Variants in NXPE4 observed in about 807,000 individuals in gnomAD.
NXPE4 encodes the protein NXPE family member 4.
In NXPE4, 42 loss-of-function variants were observed where a neutral mutation model predicts 33.3. The observed-to-expected ratio is 1.26, with a 90% CI of 0.98 to 1.63. The LOEUF (loss-of-function observed/expected upper bound fraction) is 1.63, where lower values mean the gene tolerates loss of function less well. Ranked by LOEUF, NXPE4 falls within the 40% of genes most tolerant of loss-of-function variation. The pLI is 0.00. For missense variants in NXPE4, 709 were observed against 647.6 expected, an observed-to-expected ratio of 1.09 and a Z score of -1.03; for synonymous variants, 253 against 234.9, an observed-to-expected ratio of 1.08 and a Z score of -0.71.
chr11:114,621,075 C>T, the NXPE4 span, among the ~76,000 whole-genome samples: 12 of 151,610 alleles, frequency 7.9e-5, no homozygotes, highest in Admixed American at 2.0e-4. Context: ...ACTATTACCC[C>T]GTGGATAATA....
At chr11:114,601,945 A>ATTATATATAATATTATATATTGTATAT in the NXPE4 span, among the ~76,000 whole-genome samples, 1 of 71,200 alleles carries the variant, frequency 1.4e-5, no homozygotes, top group African/African-American at 5.3e-5. Flanking sequence ...ATATTATATA[A>ATTATATATAATATTATATATTGTATAT]TTATATATAA....
chr11:114,641,114 C>G, the NXPE4 span, among the ~76,000 whole-genome samples: 1 of 151,924 alleles, frequency 6.6e-6, no homozygotes, highest in Non-Finnish European at 1.5e-5. Context: ...AAATAGTAGT[C>G]TGGTGCACGA....
In NXPE4 at chr11:114,582,829, C is replaced by T. The variant is rs972637851; in HGVS notation, c.289G>A (p.Ala97Thr). 1.1e-5 allele frequency: 17 copies of T among 1,614,042 alleles called. No homozygotes were observed. The Middle Eastern group carries it at 6.6e-4, about 63-fold the overall frequency. ...AGGATGGTGGCTGTGCTATGTGTGGCGCTGGTGGTGGTGTTCACGTGGGTG... is the reference window on the plus strand; with the variant it reads ...AGGATGGTGGCTGTGCTATGTGTGGTGCTGGTGGTGGTGTTCACGTGGGTG... ...PFTHVNTTTSATHSTATILNP... is the reference protein window; with the variant it reads ...PFTHVNTTTSTTHSTATILNP... Residue 97 changes from alanine to threonine, a missense_variant, in exon 3 of 6, where the codon GCC becomes ACC. Physicochemically the swap from Ala to Thr is moderately conservative, Grantham distance 58 (BLOSUM62 0). Transcript: ENST00000375478.
At chr11:114,606,105 T>A in the NXPE4 span, among the ~76,000 whole-genome samples, 8 of 151,868 alleles carry the variant, frequency 5.3e-5, no homozygotes, top group Admixed American at 1.3e-4. Flanking sequence ...GGGTAGCCAC[T>A]GTTATCTGGT....
the NXPE4 span, among the ~76,000 whole-genome samples, chr11:114,670,755 G>A: frequency 2.0e-5 from 3 of 151,828 alleles, no homozygotes; most frequent in African/African-American, 7.3e-5. Flanking sequence ...ATAGAGTGGA[G>A]ATCAGTATAT....
the NXPE4 span, among the ~76,000 whole-genome samples, chr11:114,627,458 C>G: frequency 6.6e-6 from 1 of 151,010 alleles, no homozygotes; most frequent in Non-Finnish European, 1.5e-5. Flanking sequence ...ACTTTACAGA[C>G]AAGCAAATGC....
chr11:114,639,487 A>C, the NXPE4 span, among the ~76,000 whole-genome samples: 1 of 151,284 alleles, frequency 6.6e-6, no homozygotes, highest in Admixed American at 6.6e-5. Flanking sequence ...TCCTGTGCCC[A>C]CTGTCTGGCA....
chr11:114,602,813 T>G, the NXPE4 span, among the ~76,000 whole-genome samples: 1 of 139,580 alleles, frequency 7.2e-6, no homozygotes, highest in Non-Finnish European at 1.5e-5. Flanking sequence ...AATTACAGAA[T>G]CATATATAAT....
chr11:114,618,944 A>G, the NXPE4 span, among the ~76,000 whole-genome samples: 11 of 152,072 alleles, frequency 7.2e-5, no homozygotes, highest in Non-Finnish European at 1.3e-4. Flanking sequence ...CCACTGGATA[A>G]TAAGTAGTAC....
chr11:114,666,665 T>C, the NXPE4 span, among the ~76,000 whole-genome samples: 1 of 152,154 alleles, frequency 6.6e-6, no homozygotes, highest in East Asian at 1.9e-4. Context: ...ATCTGAAATA[T>C]TATTCATGGT....
the NXPE4 span, among the ~76,000 whole-genome samples, chr11:114,646,708 C>G: frequency 6.6e-6 from 1 of 152,076 alleles, no homozygotes; most frequent in Admixed American, 6.6e-5. Context: ...AGGACACAAC[C>G]TGCCAAGATA....
At chr11:114,593,894 C>T (rs1949518566) in intron 2 of NXPE4, among the ~76,000 whole-genome samples, 1 of 152,114 alleles carries the variant, frequency 6.6e-6, no homozygotes, top group East Asian at 1.9e-4. Context: ...AACTGAAGGT[C>T]ATTATGTTAA....
At position 114,570,883 on chromosome 11, in the gene NXPE4, A is replaced by G; in HGVS notation, c.*55T>C. 7.9e-7 allele frequency: 1 copy of G among 1,266,732 alleles called. No homozygotes were observed. The highest frequency in any genetic ancestry group is 1.1e-6 in the Non-Finnish European group (1 of 915,654). 78.5% of individuals were successfully genotyped at this position (1,266,732 alleles called of 1,614,324 possible). A position where few individuals can be genotyped will look rare whatever the true frequency, so the allele number is the denominator to read the frequency against. ...CAAACACAGCATCTGGCCTGCTAGT[A>G]GACAGTCAATAAATTTTTTTACTTA... On this transcript the variant is annotated 3_prime_UTR_variant, in exon 6 of 6. Coordinates refer to ENST00000375478, the MANE Select transcript of NXPE4 (RefSeq NM_001077639.2).
the NXPE4 span, among the ~76,000 whole-genome samples, chr11:114,660,125 T>C: frequency 3.3e-5 from 5 of 152,062 alleles, no homozygotes; most frequent in African/African-American, 1.2e-4. Context: ...TCTATAGCTT[T>C]GGGAGAAACT....
the NXPE4 span, among the ~76,000 whole-genome samples, chr11:114,656,910 G>A: frequency 6.6e-6 from 1 of 152,156 alleles, no homozygotes; most frequent in Admixed American, 6.5e-5. Context: ...GGCTAACACG[G>A]TGAAACCCCG....
the NXPE4 span, among the ~76,000 whole-genome samples, chr11:114,601,744 TA>T: frequency 1.4e-5 from 1 of 71,438 alleles, no homozygotes; most frequent in African/African-American, 6.0e-5. Flanking sequence ...TATATAATTA[TA>T]ATATATAATA....
At chr11:114,625,867 C>T in the NXPE4 span, among the ~76,000 whole-genome samples, 69 of 152,214 alleles carry the variant, frequency 4.5e-4, no homozygotes, top group East Asian at 2.7e-3. Context: ...ACTCGGGAAG[C>T]GCAAGGGGTC....
Position 114,571,269 on chromosome 11 carries a change from A to G in NXPE4, c.1304T>C (p.Leu435Pro), listed in dbSNP as rs978375495. ...GEKNTVIVIS[L>P]GQHFRPFPID... ...GGGAAAGGGTCTGAAATGCTGGCCC[A>G]GGGAAATAACAATGACAGTATTTTT... Residue 435 changes from leucine (L) to proline (P), a missense_variant, in exon 6 of 6, where the codon CTG (leucine) becomes CCG (proline). Leu to Pro is a moderately conservative substitution (Grantham distance 98). Coordinates refer to ENST00000375478, the MANE Select transcript of NXPE4 (RefSeq NM_001077639.2). 3 of 1,613,852 alleles carry G rather than the reference A, an allele frequency of 1.9e-6. No individual in the cohort carries two copies. The African/African-American group carries it at 4.0e-5, about 22-fold the overall frequency.
chr11:114,573,597 C>G (rs1232089722), intron 5 of NXPE4, among the ~76,000 whole-genome samples: 2 of 151,968 alleles, frequency 1.3e-5, no homozygotes, highest in Admixed American at 1.3e-4. Flanking sequence ...AACTTTAAAG[C>G]AACAGCAGTT....
Sources: gnomAD v4.1 joint callset for allele counts (sites outside exome capture counted in the v4.1 genomes callset) on GRCh38, gnomAD v4.1.1 for gene constraint, MANE v1.5 for transcripts, NCBI Gene and HGNC (gene_info 2026-07-23, HGNC 2026-07-21) for gene names.